Variants in ADGB observed in about 807,000 individuals in gnomAD.
ADGB encodes androglobin.
Under a neutral mutation model 210.5 loss-of-function variants are expected in ADGB, and 172 were observed. The ratio of observed to expected loss-of-function variants is 0.82; its 90% confidence interval spans 0.72 to 0.93. ADGB has a LOEUF of 0.93. Ranked by LOEUF, ADGB falls within the 40% of genes least tolerant of loss-of-function variation. The pLI, the probability that ADGB is intolerant of heterozygous loss-of-function variation, is 0.00. For missense variants in ADGB, 2,025 were observed against 1,964.8 expected, an observed-to-expected ratio of 1.03 and a Z score of -0.58; for synonymous variants, 658 against 662.7, an observed-to-expected ratio of 0.99 and a Z score of 0.11.
intron 1 of ADGB, among the ~76,000 whole-genome samples, chr6:146,605,640 C>T (rs1780620243): frequency 6.6e-6 from 1 of 152,024 alleles, no homozygotes; most frequent in African/African-American, 2.4e-5. Context: ...CTAGGACAGC[C>T]CAGAGGGAAA....
chr6:146,735,125 A>T (rs1777060056), intron 22 of ADGB, among the ~76,000 whole-genome samples: 1 of 152,200 alleles, frequency 6.6e-6, no homozygotes, highest in Admixed American at 6.5e-5. Flanking sequence ...ATGGTTTAAA[A>T]ACCCTAAATT....
chr6:146,635,544 A>G lies in ADGB; in HGVS notation c.237+7A>G. The G allele has an allele frequency of 1.3e-6, 2 of 1,523,410 alleles. No homozygotes were observed. Among genetic ancestry groups the G allele is most frequent in the Non-Finnish European group, 1.8e-6 (2 of 1,134,554 alleles). 94.4% of individuals were successfully genotyped at this position (1,523,410 alleles called of 1,614,324 possible). On this transcript the variant is annotated splice_region_variant and intron_variant, in intron 2 of 35. Transcript: ENST00000397944. ...AGGAAAAAGCCCTGTATTTGTAAGTAGATGTAAATGTGACTAGGTTTCATT... is the reference window on the plus strand; with the variant it reads ...AGGAAAAAGCCCTGTATTTGTAAGTGGATGTAAATGTGACTAGGTTTCATT...
chr6:146,616,738 G>A (rs1329488118), intron 1 of ADGB, among the ~76,000 whole-genome samples: 1 of 152,084 alleles, frequency 6.6e-6, no homozygotes, highest in African/African-American at 2.4e-5. Context: ...TGAGTTGGCT[G>A]TAAATGTGTG....
chr6:146,641,913 T>C (rs1775521758), intron 2 of ADGB, among the ~76,000 whole-genome samples: 1 of 151,998 alleles, frequency 6.6e-6, no homozygotes, highest in South Asian at 2.1e-4. Context: ...GTGGATCTAA[T>C]TAAACTTAAG....
chr6:146,691,009 T>C (rs1776297736), intron 10 of ADGB, 107 bp from the exon 11 acceptor site: 2 of 831,646 alleles, frequency 2.4e-6, no homozygotes, highest in Non-Finnish European at 3.4e-6. Flanking sequence ...GGTGATTTTT[T>C]TTCTTACTAC....
intron 17 of ADGB, 66 bp from the exon 18 acceptor site, chr6:146,724,120 C>T: frequency 3.2e-6 from 4 of 1,269,166 alleles, no homozygotes; most frequent in Non-Finnish European, 4.2e-6. Context: ...TAAAAAAAGA[C>T]AGTACTAGTG....
At chr6:146,601,392 A>G (rs1780555305) in intron 1 of ADGB, among the ~76,000 whole-genome samples, 1 of 152,246 alleles carries the variant, frequency 6.6e-6, no homozygotes, top group South Asian at 2.1e-4. Context: ...ACACCAAATC[A>G]TTAGATTTTT....
intron 35 of ADGB, chr6:146,807,327 A>T (rs1219478385): frequency 6.0e-5 from 87 of 1,452,002 alleles, no homozygotes; most frequent in Non-Finnish European, 8.0e-5. Context: ...GGCTAAAGGA[A>T]TTTCATTTTT....
intron 2 of ADGB, among the ~76,000 whole-genome samples, chr6:146,637,593 T>A (rs1775443679): frequency 6.6e-6 from 1 of 151,922 alleles, no homozygotes; most frequent in Admixed American, 6.6e-5. Flanking sequence ...GCTATAGCAT[T>A]CTGTATAAAG....
chr6:146,758,257 G>A (rs1777437983), intron 27 of ADGB, among the ~76,000 whole-genome samples: 1 of 151,998 alleles, frequency 6.6e-6, no homozygotes, highest in African/African-American at 2.4e-5. Context: ...TAAAATGGCT[G>A]TTTTCTTTAT....
rs556253203 is a variant in ADGB at position 146,653,183 on chromosome 6, C to CACCCCCAGATGGG, written c.331-948_331-936dup. Among the ~76,000 whole-genome samples, 142 of 152,104 alleles carry CACCCCCAGATGGG rather than the reference C, an allele frequency of 9.3e-4. 2 individuals are homozygous for CACCCCCAGATGGG. The highest frequency in any genetic ancestry group is 1.6e-3 in the Non-Finnish European group (111 of 67,996). Reference sequence around the variant, plus strand: ...CTGATGATCTGTCACTGTCTCCAGTCACCCCCAGATGGGACCATCTAGTTG... The same window carrying CACCCCCAGATGGG: ...CTGATGATCTGTCACTGTCTCCAGTCACCCCCAGATGGGACCCCCAGATGGGACCATCTAGTTG... On this transcript the variant is annotated intron_variant, in intron 3 of 35. Transcript: ENST00000397944.
At chr6:146,691,477 A>AAATAT (rs1342320983) in intron 11 of ADGB, among the ~76,000 whole-genome samples, 187 bp downstream of exon 11, 1 of 18,566 alleles carries the variant, frequency 5.4e-5, no homozygotes, top group African/African-American at 4.3e-4. Context: ...TATATATATA[A>AAATAT]ATATATATAT....
At chr6:146,750,740 A>C (rs1777308547) in intron 26 of ADGB, among the ~76,000 whole-genome samples, 1 of 152,142 alleles carries the variant, frequency 6.6e-6, no homozygotes, top group African/African-American at 2.4e-5. Flanking sequence ...AATGGATTAG[A>C]CTGCATGTTT....
intron 1 of ADGB, 46 bp from the exon 2 acceptor site, chr6:146,635,329 G>C: frequency 7.4e-7 from 1 of 1,346,904 alleles, no homozygotes; most frequent in Non-Finnish European, 9.6e-7. Context: ...TTTGATCTCA[G>C]AGATTTTAAT....
At chr6:146,645,014 A>G (rs1458364331) in intron 3 of ADGB, 149 bp downstream of exon 3, 1 of 455,156 alleles carries the variant, frequency 2.2e-6, no homozygotes, top group Admixed American at 4.0e-5. Flanking sequence ...ACTAATCAAA[A>G]CTAAATGTTT....
intron 1 of ADGB, among the ~76,000 whole-genome samples, chr6:146,604,324 C>T (rs1267349706): frequency 6.6e-6 from 1 of 152,140 alleles, no homozygotes; most frequent in African/African-American, 2.4e-5. Context: ...CTCCCAAGTC[C>T]ACGCAGGGGA....
intron 5 of ADGB, among the ~76,000 whole-genome samples, chr6:146,657,989 G>C (rs947279534): frequency 6.6e-6 from 1 of 152,150 alleles, no homozygotes; most frequent in African/African-American, 2.4e-5. Context: ...CACTGGAAAA[G>C]AATGTCCTCC....
At chr6:146,690,908 GTAAA>G (rs1395583325) in intron 10 of ADGB, among the ~76,000 whole-genome samples, 4 of 152,004 alleles carry the variant, frequency 2.6e-5, no homozygotes, top group African/African-American at 9.6e-5. Flanking sequence ...CTCTCATTTT[GTAAA>G]TAAAGAAACA....
intron 33 of ADGB, among the ~76,000 whole-genome samples, chr6:146,793,228 GGTGCGTTTT>G (rs1777978011): frequency 1.6e-5 from 2 of 125,230 alleles, no homozygotes; most frequent in Non-Finnish European, 3.2e-5. Context: ...AGCACTGATT[GGTGCGTTTT>G]ACAGAGCACT....
Sources: allele counts gnomAD v4.1 joint callset (sites outside exome capture counted in the v4.1 genomes callset), GRCh38; gene constraint gnomAD v4.1.1; transcripts MANE v1.5; gene names NCBI Gene and HGNC (gene_info 2026-07-23, HGNC 2026-07-21).